Variants in FDX1 observed in about 807,000 individuals in gnomAD.
The protein encoded by FDX1 is adrenodoxin, mitochondrial.
FDX1 carries 9 observed loss-of-function variants against 14.9 expected under a neutral mutation model. That is an observed-to-expected ratio of 0.60 (90% CI 0.36 to 1.05). FDX1 has a LOEUF of 1.05. Among genes scored for constraint, FDX1 ranks in the 50% least tolerant of loss-of-function variants. FDX1 has a pLI of 0.01. For synonymous variants in FDX1, 92 were observed against 99.4 expected (o/e 0.93, Z 0.44); for missense variants, 204 against 237.2 (o/e 0.86, Z 0.92).
intron 2 of FDX1, among the ~76,000 whole-genome samples, chr11:110,451,462 A>G (rs1946486083): frequency 6.6e-6 from 1 of 152,216 alleles, no homozygotes; most frequent in Admixed American, 6.5e-5. Context: ...TTACAGAGAA[A>G]TATGAACACT....
In FDX1 at chr11:110,456,957, T is replaced by C; in HGVS notation, c.350T>C (p.Leu117Pro). 2.5e-6 allele frequency: 4 copies of C among 1,613,254 alleles called. No individual in the cohort carries two copies. The highest frequency in any genetic ancestry group is 3.4e-6 in the Non-Finnish European group (4 of 1,179,480). The change falls in exon 3 of 4, where the codon CTC becomes CCC. Residue 117 changes from leucine (L) to proline (P), a missense_variant. Leu to Pro is a moderately conservative substitution (Grantham distance 98). Transcript: ENST00000260270. ...ACCCTGGCTTGTTCAACCTGTCACC[T>C]CATCTTTGAAGATCACATATATGAG... is the stretch of plus-strand genomic sequence containing the variant. ...EGTLACSTCH[L>P]IFEDHIYEKL...
chr11:110,430,383 C>T, intron 1 of FDX1, 78 bp downstream of exon 1: 1 of 1,024,446 alleles, frequency 9.8e-7, no homozygotes, highest in Non-Finnish European at 1.2e-6. Flanking sequence ...TGGGCCGAGT[C>T]TCTGGTTCCA....
rs1486933835 is a variant in FDX1 at position 110,430,271 on chromosome 11, C to T, written c.151C>T (p.Arg51Trp). 4.2e-6 allele frequency: 5 copies of T among 1,203,082 alleles called. No homozygotes were observed. Among genetic ancestry groups the T allele is most frequent in the East Asian group, 3.4e-5 (1 of 29,038 alleles). The allele number at this position is 1,203,082 out of a possible 1,614,324, so 74.5% of individuals were successfully genotyped here. Reference protein sequence around the residue: ...RGPGGSAEASRSLSVSARARS... With the variant: ...RGPGGSAEASWSLSVSARARS... ...GCCGGGCGGGAGCGCGGAGGCGAGC[C>T]GGTCGCTGAGCGTGTCGGCGCGGGC... The change falls in exon 1 of 4, where the codon CGG becomes TGG. Residue 51 changes from arginine (R) to tryptophan (W), a missense_variant. Transcript: ENST00000260270.
At chr11:110,440,943 T>G (rs1318934028) in intron 2 of FDX1, among the ~76,000 whole-genome samples, 1 of 152,150 alleles carries the variant, frequency 6.6e-6, no homozygotes, top group Non-Finnish European at 1.5e-5. Flanking sequence ...TTCCCACCTG[T>G]TATAGGAGGG....
At chr11:110,450,541 G>C (rs1946479850) in intron 2 of FDX1, among the ~76,000 whole-genome samples, 2 of 152,180 alleles carry the variant, frequency 1.3e-5, no homozygotes, top group African/African-American at 4.8e-5. Context: ...CGGGACTGCT[G>C]TAAGACATGA....
chr11:110,453,262 C>T (rs1946497902), intron 2 of FDX1, among the ~76,000 whole-genome samples: 1 of 152,004 alleles, frequency 6.6e-6, no homozygotes, highest in African/African-American at 2.4e-5. Flanking sequence ...CACTTGAACC[C>T]GGGAGGCGGA....
At chr11:110,434,298 A>T (rs553477216) in intron 1 of FDX1, among the ~76,000 whole-genome samples, 1 of 150,772 alleles carries the variant, frequency 6.6e-6, no homozygotes, top group African/African-American at 2.4e-5. Context: ...CAGCAGTAGT[A>T]TTCTATGTAG....
At chr11:110,433,368 C>A (rs1201467385) in intron 1 of FDX1, among the ~76,000 whole-genome samples, 1 of 152,174 alleles carries the variant, frequency 6.6e-6, no homozygotes, top group East Asian at 1.9e-4. Context: ...CCCAAAGTTC[C>A]TTTGGTTCCT....
rs1387058886 is a variant in FDX1 at position 110,462,580 on chromosome 11, TTACTATTTTAA to T, written c.*114_*124del. The T allele has an allele frequency of 6.2e-6, 3 of 484,666 alleles. No homozygotes were observed. The Admixed American group carries it at 1.1e-4, about 17-fold the overall frequency. 30.0% of individuals were successfully genotyped at this position (484,666 alleles called of 1,614,324 possible). A position where few individuals can be genotyped will look rare whatever the true frequency, so the allele number is the denominator to read the frequency against. On this transcript the variant is annotated 3_prime_UTR_variant, in exon 4 of 4. Coordinates refer to ENST00000260270, the MANE Select transcript of FDX1 (RefSeq NM_004109.5). ...AGTGGACTTCATATTATGACTAGCT[TTACTATTTTAA>T]TTCACCTTGCATAACTACTGAATTT... is the stretch of plus-strand genomic sequence containing the variant.
In FDX1 at chr11:110,464,047, G is replaced by C. The variant is rs1218126448; in HGVS notation, c.*1579G>C. 6.6e-6 allele frequency: 1 copy of C among 152,006 alleles called. No homozygotes were observed. The highest frequency in any genetic ancestry group is 1.9e-4 in the East Asian group (1 of 5,190). The allele number at this position is 152,006 out of a possible 1,614,324, so 9.4% of individuals were successfully genotyped here. A position where few individuals can be genotyped will look rare whatever the true frequency, so the allele number is the denominator to read the frequency against. On this transcript the variant is annotated 3_prime_UTR_variant, in exon 4 of 4. Coordinates refer to ENST00000260270, the MANE Select transcript of FDX1 (RefSeq NM_004109.5). Reference sequence around the variant, plus strand: ...CGTGCCTCAGCCTCCCAGGTAGCTGGTACTACAGGCACGGACCACCACGCC... The same window carrying C: ...CGTGCCTCAGCCTCCCAGGTAGCTGCTACTACAGGCACGGACCACCACGCC...
At chr11:110,438,323 T>C (rs949374019) in intron 2 of FDX1, among the ~76,000 whole-genome samples, 2 of 152,240 alleles carry the variant, frequency 1.3e-5, no homozygotes, top group Non-Finnish European at 2.9e-5. Context: ...TGATATTCTT[T>C]ATGACTGGTG....
chr11:110,454,990 G>A (rs11213408), intron 2 of FDX1, among the ~76,000 whole-genome samples: 47,179 of 152,036 alleles, frequency 0.31, 7,656 homozygotes, highest in African/African-American at 0.4. Flanking sequence ...GAAACTTCAC[G>A]ATGGTGTTTT....
In FDX1 at chr11:110,430,444, C is replaced by T. The variant is rs1239354293; in HGVS notation, c.185+139C>T. ...CCCCGGAGGCCTGCCTCTCGCCCCC[C>T]TCTTCTGGGGTGCTCTCGCGGCTCC... On this transcript the variant is annotated intron_variant, in intron 1 of 3. Coordinates refer to ENST00000260270, the MANE Select transcript of FDX1 (RefSeq NM_004109.5). The T allele has an allele frequency of 6.1e-6, 3 of 493,678 alleles. No individual in the cohort carries two copies. The African/African-American group carries it at 6.1e-5, about 10-fold the overall frequency. 30.6% of individuals were successfully genotyped at this position (493,678 alleles called of 1,614,324 possible). A position where few individuals can be genotyped will look rare whatever the true frequency, so the allele number is the denominator to read the frequency against.
At chr11:110,461,963 G>C (rs1475746791) in intron 3 of FDX1, among the ~76,000 whole-genome samples, 1 of 152,198 alleles carries the variant, frequency 6.6e-6, no homozygotes, top group Non-Finnish European at 1.5e-5. Flanking sequence ...TTTATAGTCT[G>C]TGTGGTTTTA....
At chr11:110,444,740 ATATACACG>A (rs1173273858) in intron 2 of FDX1, among the ~76,000 whole-genome samples, 7 of 50,996 alleles carry the variant, frequency 1.4e-4, no homozygotes, top group South Asian at 7.4e-4. Context: ...ATATATATAT[ATATACACG>A]TATATATATA....
chr11:110,431,264 T>C (rs926037681), intron 1 of FDX1, among the ~76,000 whole-genome samples: 6 of 152,214 alleles, frequency 3.9e-5, no homozygotes, highest in African/African-American at 1.4e-4. Context: ...TCCTTAGATA[T>C]ACTAGAGATA....
intron 2 of FDX1, among the ~76,000 whole-genome samples, chr11:110,446,643 C>A (rs192258138): frequency 1.3e-5 from 2 of 152,188 alleles, no homozygotes; most frequent in Non-Finnish European, 2.9e-5. Context: ...AACCTGAAAC[C>A]GTAGAGCACC....
chr11:110,432,611 G>A (rs1946339016), intron 1 of FDX1, among the ~76,000 whole-genome samples: 1 of 152,056 alleles, frequency 6.6e-6, no homozygotes, highest in Non-Finnish European at 1.5e-5. Flanking sequence ...TGGGATTACA[G>A]GCGCGTGCCA....
At chr11:110,430,954 C>T (rs1946326760) in intron 1 of FDX1, among the ~76,000 whole-genome samples, 1 of 152,184 alleles carries the variant, frequency 6.6e-6, no homozygotes, top group Non-Finnish European at 1.5e-5. Context: ...CTTGGTCAGT[C>T]CTTAGGAACC....
Sources: allele counts gnomAD v4.1 joint callset (sites outside exome capture counted in the v4.1 genomes callset), GRCh38; gene constraint gnomAD v4.1.1; transcripts MANE v1.5; gene names NCBI Gene and HGNC (gene_info 2026-07-23, HGNC 2026-07-21).